Variants in SLC9A9 observed in about 807,000 individuals in gnomAD.
SLC9A9 encodes the protein sodium/hydrogen exchanger 9.
Under a neutral mutation model 77.8 loss-of-function variants are expected in SLC9A9, and 62 were observed. The ratio of observed to expected loss-of-function variants is 0.80; its 90% CI spans 0.65 to 0.98. SLC9A9 has a LOEUF of 0.98. Among genes scored for constraint, SLC9A9 ranks in the 50% least tolerant of loss-of-function variants. The probability of loss-of-function intolerance (pLI) is 0.00; values close to 1 mark genes in which losing one functional copy is unlikely to be tolerated. For synonymous variants in SLC9A9, 320 were observed against 283.5 expected (o/e 1.13, Z -1.29); for missense variants, 775 against 774.9 (o/e 1.00, Z 0.00).
At chr3:143,731,201 C>A (rs1934795677) in intron 4 of SLC9A9, among the ~76,000 whole-genome samples, 1 of 152,324 alleles carries the variant, frequency 6.6e-6, no homozygotes, top group South Asian at 2.1e-4. Flanking sequence ...TAGGGATTTA[C>A]TATTAAATGA....
intron 12 of SLC9A9, among the ~76,000 whole-genome samples, chr3:143,446,316 A>C (rs544693209): frequency 6.6e-6 from 1 of 152,154 alleles, no homozygotes; most frequent in South Asian, 2.1e-4. Context: ...AGGTAGATAC[A>C]CTGGGGACCT....
intron 4 of SLC9A9, among the ~76,000 whole-genome samples, chr3:143,765,410 G>T (rs2007282814): frequency 6.6e-6 from 1 of 152,180 alleles, no homozygotes; most frequent in Non-Finnish European, 1.5e-5. Context: ...TACTAGAAAA[G>T]ATGGGGACCA....
intron 5 of SLC9A9, among the ~76,000 whole-genome samples, chr3:143,673,203 T>C (rs1434775385): frequency 6.6e-6 from 1 of 152,194 alleles, no homozygotes; most frequent in Non-Finnish European, 1.5e-5. Flanking sequence ...TGCTATACAT[T>C]TCTCCAGTGC....
chr3:143,720,303 G>A (rs920898287), intron 4 of SLC9A9, among the ~76,000 whole-genome samples: 1 of 151,706 alleles, frequency 6.6e-6, no homozygotes, highest in Non-Finnish European at 1.5e-5. Context: ...CACATTCCAA[G>A]ATTTCTGTCC....
intron 12 of SLC9A9, among the ~76,000 whole-genome samples, chr3:143,397,470 A>G (rs2033755514): frequency 6.6e-6 from 1 of 152,232 alleles, no homozygotes; most frequent in Non-Finnish European, 1.5e-5. Flanking sequence ...GAAACCATAA[A>G]TGGTTGAAAA....
At chr3:143,616,404 A>AC (rs1559995129) in intron 6 of SLC9A9, among the ~76,000 whole-genome samples, 2 of 152,112 alleles carry the variant, frequency 1.3e-5, no homozygotes, top group Admixed American at 6.6e-5. Flanking sequence ...CACCAAAAAC[A>AC]CCCCCAGAAA....
intron 14 of SLC9A9, among the ~76,000 whole-genome samples, chr3:143,301,368 C>T (rs1057318681): frequency 2.6e-5 from 4 of 152,194 alleles, no homozygotes; most frequent in African/African-American, 7.2e-5. Context: ...GTTTAATGCA[C>T]CCCAGAGCTG....
chr3:143,512,461 T>A lies in SLC9A9; in HGVS notation c.1090-17013A>T, dbSNP rs137962129. ...TATTGTGGGTTTGGTTCCAGACCAC[T>A]GCAATAAAGCAAATATAGCAATAAA... On this transcript the variant is annotated intron_variant, in intron 9 of 15. Transcript: ENST00000316549. Among the ~76,000 whole-genome samples the A allele has an allele frequency of 1.5e-3, 233 of 152,370 alleles. 3 individuals are homozygous for A. The highest frequency in any genetic ancestry group is 5.4e-3 in the African/African-American group (223 of 41,592).
intron 11 of SLC9A9, among the ~76,000 whole-genome samples, chr3:143,478,991 C>T (rs2035527721): frequency 6.6e-6 from 1 of 152,212 alleles, no homozygotes; most frequent in African/African-American, 2.4e-5. Context: ...CAGAAGGCTC[C>T]TGAACACAGG....
chr3:143,815,823 G>GCA (rs2008999242), intron 2 of SLC9A9, among the ~76,000 whole-genome samples: 4 of 152,002 alleles, frequency 2.6e-5, no homozygotes, highest in Non-Finnish European at 4.4e-5. Context: ...CCGGGATCGT[G>GCA]CCACTGCACT....
At chr3:143,376,462 A>G (rs1437782055) in intron 13 of SLC9A9, among the ~76,000 whole-genome samples, 3 of 152,206 alleles carry the variant, frequency 2.0e-5, no homozygotes, top group African/African-American at 7.2e-5. Context: ...GTAAAATGGG[A>G]GTGATATAGG....
At chr3:143,338,948 T>C (rs1028139909) in intron 14 of SLC9A9, among the ~76,000 whole-genome samples, 2 of 152,252 alleles carry the variant, frequency 1.3e-5, no homozygotes, top group Admixed American at 6.5e-5. Context: ...AAGAATGTTA[T>C]GTGAACTGAA....
intron 14 of SLC9A9, among the ~76,000 whole-genome samples, chr3:143,286,055 T>C (rs1487886435): frequency 6.6e-6 from 1 of 152,178 alleles, no homozygotes; most frequent in East Asian, 1.9e-4. Flanking sequence ...TGCCCAGAGC[T>C]GAAAGATTCT....
intron 9 of SLC9A9, among the ~76,000 whole-genome samples, chr3:143,550,057 G>C (rs542886264): frequency 1.3e-5 from 2 of 152,238 alleles, no homozygotes; most frequent in Admixed American, 1.3e-4. Context: ...TGAGGCATTT[G>C]CAGTGATAGG....
chr3:143,759,938 A>T (rs1490470818), intron 4 of SLC9A9, among the ~76,000 whole-genome samples: 2 of 152,028 alleles, frequency 1.3e-5, no homozygotes, highest in Non-Finnish European at 2.9e-5. Context: ...AGCCCACTGA[A>T]AGTTGGATCT....
At chr3:143,723,363 T>C (rs1211830454) in intron 4 of SLC9A9, among the ~76,000 whole-genome samples, 2 of 152,188 alleles carry the variant, frequency 1.3e-5, no homozygotes, top group African/African-American at 4.8e-5. Context: ...GAGGCCGGTT[T>C]TCCTGGGTGG....
At chr3:143,663,701 G>C (rs1227093762) in intron 5 of SLC9A9, among the ~76,000 whole-genome samples, 1 of 152,158 alleles carries the variant, frequency 6.6e-6, no homozygotes, top group Admixed American at 6.5e-5. Flanking sequence ...TCCATCAAGT[G>C]GAAGAAAGGG....
intron 14 of SLC9A9, among the ~76,000 whole-genome samples, chr3:143,300,476 C>A (rs900156573): frequency 2.6e-5 from 4 of 152,156 alleles, no homozygotes; most frequent in African/African-American, 9.7e-5. Flanking sequence ...TAAAGGAGTG[C>A]TTCTCAATGT....
chr3:143,686,944 A>T (rs561999700), intron 5 of SLC9A9, among the ~76,000 whole-genome samples: 2 of 152,148 alleles, frequency 1.3e-5, no homozygotes, highest in Admixed American at 1.3e-4. Context: ...TGGCTCATTC[A>T]TTGAGCCCTC....
Sources: allele counts gnomAD v4.1 joint callset (sites outside exome capture counted in the v4.1 genomes callset), GRCh38; gene constraint gnomAD v4.1.1; transcripts MANE v1.5; gene names NCBI Gene and HGNC (gene_info 2026-07-23, HGNC 2026-07-21).